The following PRKN variants were observed in gnomAD, a reference collection of about 807,000 sequenced individuals.
PRKN encodes parkin RBR E3 ubiquitin protein ligase, also known as E3 ubiquitin-protein ligase parkin.
In PRKN, 56 loss-of-function variants were observed where a neutral mutation model predicts 59.5. The ratio of observed to expected loss-of-function variants is 0.94; its 90% CI spans 0.76 to 1.18. The LOEUF (loss-of-function observed/expected upper bound fraction) is 1.18. PRKN is among the 50% of genes most tolerant of loss of function. The pLI, the probability that PRKN is intolerant of heterozygous loss-of-function variation, is 0.00. For synonymous variants in PRKN, 250 were observed against 222.1 expected, an observed-to-expected ratio of 1.13 and a Z score of -1.12; for missense variants, 657 against 596.4, an observed-to-expected ratio of 1.10 and a Z score of -1.06.
At chr6:162,121,913 T>G (rs988078975) in intron 4 of PRKN, among the ~76,000 whole-genome samples, 2 of 152,204 alleles carry the variant, frequency 1.3e-5, no homozygotes, top group African/African-American at 2.4e-5. Context: ...GGTTATTTAC[T>G]TGGTCAAGAT....
At chr6:161,452,558 T>G (rs1259048263) in intron 9 of PRKN, among the ~76,000 whole-genome samples, 4 of 152,352 alleles carry the variant, frequency 2.6e-5, no homozygotes, top group Admixed American at 2.6e-4. Flanking sequence ...GTTTTTTAAT[T>G]CTTTAAAACA....
chr6:161,496,162 T>C (rs963980894), intron 9 of PRKN, among the ~76,000 whole-genome samples: 2 of 152,232 alleles, frequency 1.3e-5, no homozygotes, highest in South Asian at 2.1e-4. Context: ...AGAATCTCTT[T>C]AGATTTTCCT....
chr6:162,412,344 C>T lies in PRKN; in HGVS notation c.171+30966G>A, dbSNP rs1052876199. Among the ~76,000 whole-genome samples, 7 of 151,854 alleles carry T rather than the reference C, an allele frequency of 4.6e-5. No homozygotes were observed. In the East Asian group the frequency reaches 9.7e-4, roughly 21 times the overall value. Reference sequence around the variant, plus strand: ...TGTCTGGACTGAGGATTCTAGGGTACGATGAATAACAAATGGAACAAAGAT... The same window carrying T: ...TGTCTGGACTGAGGATTCTAGGGTATGATGAATAACAAATGGAACAAAGAT... On this transcript the variant is annotated intron_variant, in intron 2 of 11. Coordinates refer to ENST00000366898, the MANE Select transcript of PRKN (RefSeq NM_004562.3).
At chr6:162,347,801 T>C (rs1364265349) in intron 2 of PRKN, among the ~76,000 whole-genome samples, 3 of 152,192 alleles carry the variant, frequency 2.0e-5, no homozygotes, top group Non-Finnish European at 2.9e-5. Context: ...TTTTGGTAAT[T>C]ATTTTACTTG....
intron 6 of PRKN, among the ~76,000 whole-genome samples, chr6:161,789,734 T>C (rs1312673505): frequency 2.6e-5 from 4 of 152,206 alleles, no homozygotes; most frequent in Non-Finnish European, 4.4e-5. Context: ...AGTCATGAAA[T>C]TGTAGAGACC....
Position 162,369,300 on chromosome 6 carries a change from C to T in PRKN, c.171+74010G>A, listed in dbSNP as rs73602262. Among the ~76,000 whole-genome samples, 702 of 152,174 alleles carry T rather than the reference C, an allele frequency of 4.6e-3. 9 individuals carry two copies. Among genetic ancestry groups the T allele is most frequent in the South Asian group, 0.026 (126 of 4,824 alleles). The stretch of plus-strand genomic sequence containing the variant: ...GGAACACAAGGGAACAGGCAGTTCT[C>T]GAAACAGAAAAGTTGGAGGTGCTGT... On this transcript the variant is annotated intron_variant, in intron 2 of 11. Transcript: ENST00000366898.
chr6:161,515,290 C>G (rs1249054205), intron 9 of PRKN, among the ~76,000 whole-genome samples: 1 of 152,138 alleles, frequency 6.6e-6, no homozygotes, highest in Non-Finnish European at 1.5e-5. Context: ...AAAATGAAAA[C>G]AGCAAAAGTG....
At chr6:162,360,687 G>A (rs989354684) in intron 2 of PRKN, among the ~76,000 whole-genome samples, 9 of 152,026 alleles carry the variant, frequency 5.9e-5, no homozygotes, top group Admixed American at 3.3e-4. Context: ...AGTAAACACC[G>A]ACAATGAAAC....
chr6:161,814,045 C>T (rs1791666826), intron 6 of PRKN, among the ~76,000 whole-genome samples: 2 of 152,156 alleles, frequency 1.3e-5, no homozygotes, highest in African/African-American at 4.8e-5. Context: ...TTATCTTATG[C>T]TCAGGGCCTT....
intron 2 of PRKN, among the ~76,000 whole-genome samples, chr6:162,432,487 C>T (rs1789586633): frequency 6.6e-6 from 1 of 152,114 alleles, no homozygotes; most frequent in African/African-American, 2.4e-5. Context: ...GTTCACACCA[C>T]TGCACCCCAA....
chr6:161,582,109 G>C lies in PRKN; in HGVS notation c.872-12693C>G, dbSNP rs1188408827. On this transcript the variant is annotated intron_variant, in intron 7 of 11. Coordinates refer to ENST00000366898, the MANE Select transcript of PRKN (RefSeq NM_004562.3). This position sits in a 1 kb window ranked among gnomAD's most constrained non-coding sequence, Gnocchi z 4.4. ...TTTGGAATCATTGCTTTCATCTACTGGTTTTTACCAAAGTGTAAAGTGCAT... is the reference window on the plus strand; with the variant it reads ...TTTGGAATCATTGCTTTCATCTACTCGTTTTTACCAAAGTGTAAAGTGCAT... Among the ~76,000 whole-genome samples the C allele has an allele frequency of 6.6e-6, 1 of 152,068 alleles. No homozygotes were observed. Among genetic ancestry groups the C allele is most frequent in the African/African-American group, 2.4e-5 (1 of 41,406 alleles).
chr6:162,042,415 C>G (rs1035469598), intron 5 of PRKN, among the ~76,000 whole-genome samples: 2 of 151,832 alleles, frequency 1.3e-5, no homozygotes, highest in Non-Finnish European at 2.9e-5. Flanking sequence ...CCTCAGCCTC[C>G]CAAATAGCTG....
In PRKN at chr6:161,800,154, G is replaced by A. The variant is rs112386860; in HGVS notation, c.735-14246C>T. Among the ~76,000 whole-genome samples the A allele has an allele frequency of 7.8e-3, 1,187 of 152,258 alleles. 15 individuals are homozygous for A. Among genetic ancestry groups the A allele is most frequent in the African/African-American group, 0.027 (1,108 of 41,558 alleles). On this transcript the variant is annotated intron_variant, in intron 6 of 11. Coordinates refer to ENST00000366898, the MANE Select transcript of PRKN (RefSeq NM_004562.3). ...AATGGACTGGAGCAGGGCTACAAAGGAAGGGAGATGCATGGACATGGTGAA... is the reference window on the plus strand; with the variant it reads ...AATGGACTGGAGCAGGGCTACAAAGAAAGGGAGATGCATGGACATGGTGAA...
At chr6:161,859,606 CTCTCAAA>C (rs905156564) in intron 6 of PRKN, among the ~76,000 whole-genome samples, 7 of 65,584 alleles carry the variant, frequency 1.1e-4, no homozygotes, top group African/African-American at 3.7e-4. Flanking sequence ...GTGAGACTCT[CTCTCAAA>C]AAAAAAAAAA....
Position 161,592,931 on chromosome 6 carries a change from G to A in PRKN, c.872-23515C>T, listed in dbSNP as rs544071886. Among the ~76,000 whole-genome samples the A allele has an allele frequency of 1.3e-5, 2 of 152,308 alleles. No homozygotes were observed. The highest frequency in any genetic ancestry group is 1.9e-4 in the East Asian group (1 of 5,170). ...TGAAGTTTAATTCCGAGAGTAGGGAGAAGGCACTGGAGGACTTGCACATGG... is the reference window on the plus strand; with the variant it reads ...TGAAGTTTAATTCCGAGAGTAGGGAAAAGGCACTGGAGGACTTGCACATGG... On this transcript the variant is annotated intron_variant, in intron 7 of 11. Coordinates refer to ENST00000366898, the MANE Select transcript of PRKN (RefSeq NM_004562.3). The surrounding 1 kb of genome is among the most constrained non-coding windows in gnomAD (Gnocchi z 4.8).
chr6:161,553,036 G>A (rs1780100567), intron 8 of PRKN, among the ~76,000 whole-genome samples: 1 of 151,008 alleles, frequency 6.6e-6, no homozygotes, highest in Non-Finnish European at 1.5e-5. Context: ...TGATCTGCCT[G>A]CCTCAGCCTC....
rs186389704 is a variant in PRKN at position 161,855,215 on chromosome 6, C to T, written c.735-69307G>A. Among the ~76,000 whole-genome samples the T allele has an allele frequency of 4.0e-4, 61 of 152,132 alleles. 1 individual carries two copies. The East Asian group carries it at 0.011, about 27-fold the overall frequency. ...TCACCACCCCCAGAACCTCTTTCTG[C>T]GATGATCAGGGTGGGGTTTTGGGCA... On this transcript the variant is annotated intron_variant, in intron 6 of 11. Transcript: ENST00000366898.
At chr6:161,557,763 A>C (rs1780293021) in intron 8 of PRKN, among the ~76,000 whole-genome samples, 1 of 152,184 alleles carries the variant, frequency 6.6e-6, no homozygotes, top group Non-Finnish European at 1.5e-5. Flanking sequence ...GTTCTGTCAA[A>C]ATGAGTCAAT....
At chr6:161,638,076 T>C (rs1008423693) in intron 7 of PRKN, among the ~76,000 whole-genome samples, 1 of 152,136 alleles carries the variant, frequency 6.6e-6, no homozygotes, top group Non-Finnish European at 1.5e-5. Context: ...CCATCACAGA[T>C]AATAATTACA....
Sources: allele counts gnomAD v4.1 joint callset (sites outside exome capture counted in the v4.1 genomes callset), GRCh38; gene constraint gnomAD v4.1.1; non-coding constraint Gnocchi (gnomAD v3.1); transcripts MANE v1.5; gene names NCBI Gene and HGNC (gene_info 2026-07-23, HGNC 2026-07-21).